The following RBM20 variants were observed in gnomAD, a reference collection of about 807,000 sequenced individuals.
RBM20 encodes the protein RNA-binding protein 20.
In RBM20, 51 loss-of-function variants were observed where a neutral mutation model predicts 110.1. The ratio of observed to expected loss-of-function variants is 0.46; its 90% CI spans 0.37 to 0.59. The LOEUF (loss-of-function observed/expected upper bound fraction) is 0.59, where lower values mean the gene tolerates loss of function less well. Among genes scored for constraint, RBM20 ranks in the 20% least tolerant of loss-of-function variants. The probability of loss-of-function intolerance (pLI) is 0.00; values close to 1 mark genes in which losing one functional copy is unlikely to be tolerated. For synonymous variants in RBM20, 589 were observed against 618.2 expected (o/e 0.95, Z 0.70); for missense variants, 1,512 against 1,574.9 (o/e 0.96, Z 0.68).
chr10:110,787,338 G>C (rs1844431031), intron 5 of RBM20, among the ~76,000 whole-genome samples: 1 of 152,242 alleles, frequency 6.6e-6, no homozygotes, highest in Non-Finnish European at 1.5e-5. Context: ...GTGAGGATCA[G>C]ATGAGATAAT....
At chr10:110,660,421 C>G (rs1286684862) in intron 1 of RBM20, among the ~76,000 whole-genome samples, 3 of 152,182 alleles carry the variant, frequency 2.0e-5, no homozygotes, top group African/African-American at 7.2e-5. Flanking sequence ...ATCCCCAACC[C>G]CCAGGCCATG....
intron 1 of RBM20, among the ~76,000 whole-genome samples, chr10:110,709,903 A>T (rs938305107): frequency 1.3e-5 from 2 of 152,116 alleles, no homozygotes; most frequent in African/African-American, 4.8e-5. Context: ...AAGTTCAACT[A>T]AAAAAGTCAG....
In RBM20 at chr10:110,724,165, G is replaced by A. The variant is rs143983105; in HGVS notation, c.192-56636G>A. On this transcript the variant is annotated intron_variant, in intron 1 of 13. Coordinates refer to ENST00000369519, the MANE Select transcript of RBM20 (RefSeq NM_001134363.3). Reference sequence around the variant, plus strand: ...CCATCAAAAGAGACAAACAAATCCCGTCTGCCAGTGTGTGTGCAGAACCCG... The same window carrying A: ...CCATCAAAAGAGACAAACAAATCCCATCTGCCAGTGTGTGTGCAGAACCCG... Among the ~76,000 whole-genome samples, 482 of 152,142 alleles carry A rather than the reference G, an allele frequency of 3.2e-3. 6 individuals are homozygous for A. The highest frequency in any genetic ancestry group is 9.8e-3 in the African/African-American group (407 of 41,500).
intron 1 of RBM20, among the ~76,000 whole-genome samples, chr10:110,657,471 C>T (rs1862042276): frequency 6.6e-6 from 1 of 152,178 alleles, no homozygotes; most frequent in African/African-American, 2.4e-5. Context: ...AATGTCTACT[C>T]AAATCTATCA....
At position 110,733,827 on chromosome 10, in the gene RBM20, GT is replaced by G. The variant is rs532433948; in HGVS notation, c.192-46970del. On this transcript the variant is annotated intron_variant, in intron 1 of 13. Transcript: ENST00000369519. The stretch of plus-strand genomic sequence containing the variant: ...GCCTCTAAAGCAAGGTAATGGACAT[GT>G]TTTATCCCCAGCAATTCGGTTTGCC... Among the ~76,000 whole-genome samples the G allele has an allele frequency of 1.2e-4, 19 of 152,326 alleles. No individual in the cohort carries two copies. In the East Asian group the frequency reaches 3.5e-3, roughly 28 times the overall value.
intron 1 of RBM20, among the ~76,000 whole-genome samples, chr10:110,768,118 C>G (rs1387774552): frequency 6.6e-6 from 1 of 152,246 alleles, no homozygotes; most frequent in Non-Finnish European, 1.5e-5. Flanking sequence ...CAATCGCAGG[C>G]ACTCGGCAGG....
chr10:110,738,481 G>A (rs867588684), intron 1 of RBM20, among the ~76,000 whole-genome samples: 12 of 152,298 alleles, frequency 7.9e-5, no homozygotes, highest in African/African-American at 2.9e-4. Flanking sequence ...GCAAAGTCAG[G>A]CAGTTGGTCA....
In RBM20 at chr10:110,820,187, T is replaced by C. The variant is rs1275261895; in HGVS notation, c.2655+11T>C. Reference sequence around the variant, plus strand: ...ACAAGGACAAAGAAGGTAAAGTTTGTTTCAGATTCTGCACTTCTGCCATGA... The same window carrying C: ...ACAAGGACAAAGAAGGTAAAGTTTGCTTCAGATTCTGCACTTCTGCCATGA... On this transcript the variant is annotated intron_variant, in intron 10 of 13. Transcript: ENST00000369519. The C allele has an allele frequency of 6.5e-7, 1 of 1,535,862 alleles. No homozygotes were observed. The highest frequency in any genetic ancestry group is 2.0e-5 in the Admixed American group (1 of 50,972).
chr10:110,783,386 A>G lies in RBM20; in HGVS notation c.1296A>G (p.Lys432=), dbSNP rs1464763908. ...FDLKDWELHV[K]GKLHAQKCLV... The stretch of plus-strand genomic sequence containing the variant: ...CCTAGGACTGGGAGCTGCATGTGAA[A>G]GGGAAGCTGCACGCTCAGAAATGCC... The change falls in exon 3 of 14, where the codon AAA becomes AAG. Residue 432 remains lysine (K), a synonymous_variant. Transcript: ENST00000369519. 6.4e-7 allele frequency: 1 copy of G among 1,551,506 alleles called. No individual in the cohort carries two copies. Among genetic ancestry groups the G allele is most frequent in the South Asian group, 1.2e-5 (1 of 84,028 alleles).
chr10:110,714,978 TG>T (rs1862993905), intron 1 of RBM20, among the ~76,000 whole-genome samples: 3 of 152,316 alleles, frequency 2.0e-5, no homozygotes, highest in South Asian at 2.1e-4. Flanking sequence ...CTGGGAGCAT[TG>T]GTTCAAGCCT....
chr10:110,836,834 A>G lies in RBM20; in HGVS notation c.*856A>G, dbSNP rs1262098014. The stretch of plus-strand genomic sequence containing the variant: ...AGAGTCACTGTAATTAAATATAAAA[A>G]CAGAAGCATCTTCCTCCAGCTAAAG... On this transcript the variant is annotated 3_prime_UTR_variant, in exon 14 of 14. Transcript: ENST00000369519. 1 of 152,192 alleles carries G rather than the reference A, an allele frequency of 6.6e-6. No individual in the cohort carries two copies. The highest frequency in any genetic ancestry group is 2.4e-5 in the African/African-American group (1 of 41,434). 9.4% of individuals were successfully genotyped at this position (152,192 alleles called of 1,614,324 possible). A position where few individuals can be genotyped will look rare whatever the true frequency, so the allele number is the denominator to read the frequency against.
At chr10:110,813,086 CA>C in intron 9 of RBM20, 139 bp downstream of exon 9, 1 of 622,002 alleles carries the variant, frequency 1.6e-6, no homozygotes, top group Non-Finnish European at 2.6e-6. Context: ...CTGTGCAAGA[CA>C]CTTTATCTCA....
chr10:110,672,726 C>A (rs544051395), intron 1 of RBM20, among the ~76,000 whole-genome samples: 1 of 152,204 alleles, frequency 6.6e-6, no homozygotes, highest in South Asian at 2.1e-4. Context: ...GTGCCAGTGC[C>A]CCCAGAGTGC....
At chr10:110,720,066 A>G (rs1421745393) in intron 1 of RBM20, among the ~76,000 whole-genome samples, 1 of 152,058 alleles carries the variant, frequency 6.6e-6, no homozygotes, top group Non-Finnish European at 1.5e-5. Context: ...TCTTTTTTAT[A>G]AGGGCACTAA....
intron 1 of RBM20, among the ~76,000 whole-genome samples, chr10:110,678,045 G>A (rs1862365215): frequency 6.6e-6 from 1 of 152,170 alleles, no homozygotes; most frequent in African/African-American, 2.4e-5. Flanking sequence ...TATGGATGGA[G>A]CTTCCTGTCT....
chr10:110,700,252 A>G (rs1272812314), intron 1 of RBM20, among the ~76,000 whole-genome samples: 1 of 152,148 alleles, frequency 6.6e-6, no homozygotes, highest in Admixed American at 6.5e-5. Flanking sequence ...CTTTGGCATG[A>G]ACACCAGACA....
chr10:110,782,735 G>A (rs1224106370), intron 2 of RBM20, among the ~76,000 whole-genome samples: 1 of 152,018 alleles, frequency 6.6e-6, no homozygotes, highest in South Asian at 2.1e-4. Context: ...TTTAAACACT[G>A]GGCTGTCCTG....
At chr10:110,782,239 A>C (rs1022997924) in intron 2 of RBM20, among the ~76,000 whole-genome samples, 19 of 152,214 alleles carry the variant, frequency 1.2e-4, no homozygotes, top group Non-Finnish European at 2.6e-4. Flanking sequence ...CCTAGAATCT[A>C]CTGCCCCTTG....
At chr10:110,726,788 C>T (rs1843564598) in intron 1 of RBM20, among the ~76,000 whole-genome samples, 1 of 152,178 alleles carries the variant, frequency 6.6e-6, no homozygotes. Context: ...GAAAAAGATA[C>T]AAATTAAAAT....
Sources: allele counts gnomAD v4.1 joint callset (sites outside exome capture counted in the v4.1 genomes callset), GRCh38; gene constraint gnomAD v4.1.1; transcripts MANE v1.5; gene names NCBI Gene and HGNC (gene_info 2026-07-23, HGNC 2026-07-21).